Variants in GRID2 observed in about 807,000 individuals in gnomAD.
GRID2 encodes the protein glutamate ionotropic receptor delta type subunit 2.
A neutral mutation model predicts 114.8 loss-of-function variants in GRID2; 33 were observed. The observed-to-expected ratio is 0.29, with a 90% CI of 0.22 to 0.38. The LOEUF is 0.38. GRID2 is among the 10% of genes least tolerant of loss of function. The probability of loss-of-function intolerance (pLI) is 1.00; values close to 1 mark genes in which losing one functional copy is unlikely to be tolerated. For synonymous variants in GRID2, 505 were observed against 449.9 expected, an observed-to-expected ratio of 1.12 and a Z score of -1.55; for missense variants, 1,184 against 1,257.7, an observed-to-expected ratio of 0.94 and a Z score of 0.89.
At chr4:93,036,679 ACTTT>A (rs954636044) in intron 2 of GRID2, among the ~76,000 whole-genome samples, 6 of 152,086 alleles carry the variant, frequency 3.9e-5, no homozygotes, top group African/African-American at 1.4e-4. Flanking sequence ...AGTGTAATTT[ACTTT>A]CTTTTATGTA....
intron 14 of GRID2, among the ~76,000 whole-genome samples, chr4:93,726,303 G>A (rs1250743793): frequency 5.9e-5 from 9 of 152,012 alleles, no homozygotes; most frequent in African/African-American, 9.7e-5. Context: ...GTAGATATGC[G>A]GCATTATTTC....
At chr4:92,332,129 T>C (rs1726922563) in intron 1 of GRID2, among the ~76,000 whole-genome samples, 1 of 152,196 alleles carries the variant, frequency 6.6e-6, no homozygotes, top group African/African-American at 2.4e-5. Flanking sequence ...AGTCCCTTTC[T>C]GCTGCTATAG....
At chr4:92,550,940 A>G (rs775634257) in intron 1 of GRID2, among the ~76,000 whole-genome samples, 3 of 152,178 alleles carry the variant, frequency 2.0e-5, no homozygotes, top group Non-Finnish European at 2.9e-5. Context: ...TTGAAAAATC[A>G]GTCATAAATT....
chr4:92,480,060 T>G, intron 1 of GRID2, among the ~76,000 whole-genome samples: 1 of 152,172 alleles, frequency 6.6e-6, no homozygotes, highest in East Asian at 1.9e-4. Context: ...TTTTCCCTTC[T>G]GATTAGTTTT....
At chr4:92,360,660 T>C (rs1728572486) in intron 1 of GRID2, among the ~76,000 whole-genome samples, 1 of 151,920 alleles carries the variant, frequency 6.6e-6, no homozygotes, top group Non-Finnish European at 1.5e-5. Context: ...TTAGTGATGT[T>C]TGAATGGAGT....
chr4:92,907,939 C>T (rs564768815), intron 2 of GRID2, among the ~76,000 whole-genome samples: 2 of 152,164 alleles, frequency 1.3e-5, no homozygotes, highest in African/African-American at 4.8e-5. Context: ...AGGAGAATCG[C>T]TTGAATCCGG....
chr4:93,704,409 T>C (rs956284306), intron 14 of GRID2, among the ~76,000 whole-genome samples: 1 of 152,192 alleles, frequency 6.6e-6, no homozygotes, highest in Non-Finnish European at 1.5e-5. Flanking sequence ...GTTTGTCAGA[T>C]GAGTAGGTTG....
chr4:93,312,368 G>A (rs1756111287), intron 8 of GRID2, among the ~76,000 whole-genome samples: 1 of 152,174 alleles, frequency 6.6e-6, no homozygotes, highest in African/African-American at 2.4e-5. Flanking sequence ...ATTGGATTGT[G>A]TTTTGAAGTC....
At chr4:93,243,778 C>G (rs1747814632) in intron 8 of GRID2, among the ~76,000 whole-genome samples, 1 of 152,016 alleles carries the variant, frequency 6.6e-6, no homozygotes, top group Non-Finnish European at 1.5e-5. Flanking sequence ...ATAATTTTTA[C>G]ATGTTCTTCT....
intron 2 of GRID2, among the ~76,000 whole-genome samples, chr4:92,663,292 A>C (rs2149270592): frequency 6.6e-6 from 1 of 151,260 alleles, no homozygotes; most frequent in South Asian, 2.1e-4. Context: ...GCATTAATAA[A>C]CACTGGAAAA....
At chr4:93,740,643 C>A (rs1731285621) in intron 14 of GRID2, among the ~76,000 whole-genome samples, 1 of 152,190 alleles carries the variant, frequency 6.6e-6, no homozygotes, top group Non-Finnish European at 1.5e-5. Flanking sequence ...ACGTTCCTGT[C>A]AGTCAACTGG....
At position 92,705,411 on chromosome 4, in the gene GRID2, G is replaced by A. The variant is rs575189286; in HGVS notation, c.244+115125G>A. ...TGTTGAAAGTGCTTAAGAAATATGAGTGGACAAAGGAGACCTGCACTGAAG... is the reference window on the plus strand; with the variant it reads ...TGTTGAAAGTGCTTAAGAAATATGAATGGACAAAGGAGACCTGCACTGAAG... On this transcript the variant is annotated intron_variant, in intron 2 of 15. Transcript: ENST00000282020. Among the ~76,000 whole-genome samples, 3 of 152,290 alleles carry A rather than the reference G, an allele frequency of 2.0e-5. No individual in the cohort carries two copies. In the South Asian group the frequency reaches 6.2e-4, roughly 32 times the overall value.
At chr4:93,806,712 C>T (rs1023135487) in intron 1 of GRID2, 1 of 152,208 alleles carries the variant, frequency 6.6e-6, no homozygotes, top group African/African-American at 2.4e-5. Flanking sequence ...TATTTCCCCA[C>T]AGGCTTCATC....
chr4:93,567,356 A>G (rs1249351628), intron 13 of GRID2, among the ~76,000 whole-genome samples: 4 of 152,212 alleles, frequency 2.6e-5, no homozygotes, highest in Non-Finnish European at 5.9e-5. Flanking sequence ...AGCTTGTGCT[A>G]TATTACCAAT....
In GRID2 at chr4:92,947,028, A is replaced by T. The variant is rs376652425; in HGVS notation, c.245-137967A>T. Among the ~76,000 whole-genome samples, 7 of 152,088 alleles carry T rather than the reference A, an allele frequency of 4.6e-5. No individual in the cohort carries two copies. The East Asian group carries it at 5.8e-4, about 13-fold the overall frequency. ...AAACAAGTCAATAGTTTCTGAAAGC[A>T]CTACCTTGTATAATTATGACATGCT... is the stretch of plus-strand genomic sequence containing the variant. On this transcript the variant is annotated intron_variant, in intron 2 of 15. Transcript: ENST00000282020.
chr4:92,942,383 G>A (rs1751223691), intron 2 of GRID2, among the ~76,000 whole-genome samples: 1 of 152,098 alleles, frequency 6.6e-6, no homozygotes, highest in South Asian at 2.1e-4. Flanking sequence ...CAGAGACTAG[G>A]ATTGCAACTC....
intron 2 of GRID2, among the ~76,000 whole-genome samples, chr4:92,591,130 G>C (rs890253538): frequency 8.5e-5 from 13 of 152,206 alleles, no homozygotes; most frequent in Non-Finnish European, 1.8e-4. Context: ...GGGCCTTCAG[G>C]AGATGATTAG....
At chr4:92,649,272 A>G (rs780516666) in intron 2 of GRID2, among the ~76,000 whole-genome samples, 2 of 149,194 alleles carry the variant, frequency 1.3e-5, no homozygotes, top group African/African-American at 5.0e-5. Context: ...CTATAAAACC[A>G]AGAAAGCTCA....
chr4:93,121,010 A>C (rs184455957), intron 4 of GRID2, among the ~76,000 whole-genome samples: 5 of 152,230 alleles, frequency 3.3e-5, no homozygotes, highest in Admixed American at 3.3e-4. Flanking sequence ...ATGGGTTGAT[A>C]AGTGCAGCAA....
Sources: gnomAD v4.1 joint callset for allele counts (sites outside exome capture counted in the v4.1 genomes callset) on GRCh38, gnomAD v4.1.1 for gene constraint, MANE v1.5 for transcripts, NCBI Gene and HGNC (gene_info 2026-07-23, HGNC 2026-07-21) for gene names.